Variants in KIF16B observed in about 807,000 individuals in gnomAD.
KIF16B encodes kinesin family member 16B.
In KIF16B, 98 loss-of-function variants were observed where a neutral mutation model predicts 156.3. The ratio of observed to expected loss-of-function variants is 0.63; its 90% CI spans 0.53 to 0.74. The LOEUF (loss-of-function observed/expected upper bound fraction) is 0.74, where lower values mean the gene tolerates loss of function less well. Ranked by LOEUF, KIF16B falls within the 30% of genes least tolerant of loss-of-function variation. The pLI is 0.00. For missense variants in KIF16B, 1,421 were observed against 1,606.5 expected, an observed-to-expected ratio of 0.88 and a Z score of 1.97; for synonymous variants, 564 against 583.7, an observed-to-expected ratio of 0.97 and a Z score of 0.49.
At chr20:16,391,736 A>G (rs918879185) in intron 17 of KIF16B, among the ~76,000 whole-genome samples, 4 of 152,172 alleles carry the variant, frequency 2.6e-5, no homozygotes, top group Admixed American at 2.6e-4. Flanking sequence ...CCACAAGAGA[A>G]GAATCATGGC....
intron 24 of KIF16B, among the ~76,000 whole-genome samples, chr20:16,328,012 T>C (rs906912523): frequency 2.0e-5 from 3 of 152,196 alleles, no homozygotes; most frequent in Non-Finnish European, 4.4e-5. Flanking sequence ...TCAATAGTTG[T>C]CCAAGACAAA....
chr20:16,513,035 C>A, intron 4 of KIF16B, 112 bp from the exon 5 acceptor site: 1 of 722,836 alleles, frequency 1.4e-6, no homozygotes. Flanking sequence ...ATGCCAACCC[C>A]TGGCCTACCA....
At chr20:16,410,213 A>G (rs2065913868) in intron 15 of KIF16B, among the ~76,000 whole-genome samples, 1 of 147,000 alleles carries the variant, frequency 6.8e-6, no homozygotes, top group Admixed American at 6.8e-5. Context: ...AGGTACATAT[A>G]CATGTAGGTA....
chr20:16,372,920 A>G (rs777934272), intron 20 of KIF16B, among the ~76,000 whole-genome samples: 21 of 152,012 alleles, frequency 1.4e-4, no homozygotes, highest in Non-Finnish European at 2.8e-4. Flanking sequence ...CTGGTCTTGA[A>G]CTCCTGACCT....
chr20:16,537,031 C>G (rs2069994867), intron 1 of KIF16B, among the ~76,000 whole-genome samples: 1 of 152,086 alleles, frequency 6.6e-6, no homozygotes, highest in Admixed American at 6.6e-5. Flanking sequence ...GGCCCTGTCC[C>G]AGGTCAGGCT....
intron 4 of KIF16B, among the ~76,000 whole-genome samples, chr20:16,513,429 C>T (rs969821938): frequency 2.0e-5 from 3 of 152,054 alleles, no homozygotes; most frequent in East Asian, 1.9e-4. Flanking sequence ...GAGGCCGAGG[C>T]GGGTGGATCA....
At chr20:16,280,506 C>T (rs2063128550) in intron 25 of KIF16B, among the ~76,000 whole-genome samples, 1 of 152,174 alleles carries the variant, frequency 6.6e-6, no homozygotes, top group East Asian at 1.9e-4. Context: ...TGGATTCAGC[C>T]TGCAGGTACT....
intron 15 of KIF16B, among the ~76,000 whole-genome samples, chr20:16,412,972 C>A (rs1397219301): frequency 1.3e-5 from 2 of 151,810 alleles, no homozygotes; most frequent in African/African-American, 4.8e-5. Context: ...CCAGAAATCT[C>A]GGTGTGGTTA....
At chr20:16,290,912 C>G (rs912980778) in intron 25 of KIF16B, among the ~76,000 whole-genome samples, 1 of 152,112 alleles carries the variant, frequency 6.6e-6, no homozygotes, top group East Asian at 1.9e-4. Context: ...CTATTTCATA[C>G]AGGGAAATGC....
At chr20:16,373,820 T>C (rs1168337849) in intron 20 of KIF16B, among the ~76,000 whole-genome samples, 1 of 152,198 alleles carries the variant, frequency 6.6e-6, no homozygotes, top group Non-Finnish European at 1.5e-5. Context: ...ACATGTCAGT[T>C]TTTTCCAATA....
intron 12 of KIF16B, among the ~76,000 whole-genome samples, chr20:16,454,096 C>T (rs954875676): frequency 6.6e-6 from 1 of 151,906 alleles, no homozygotes; most frequent in African/African-American, 2.4e-5. Flanking sequence ...AATAATGTAC[C>T]GTGCACTTGT....
At chr20:16,491,718 C>T (rs2068298113) in intron 12 of KIF16B, among the ~76,000 whole-genome samples, 1 of 152,122 alleles carries the variant, frequency 6.6e-6, no homozygotes, top group African/African-American at 2.4e-5. Flanking sequence ...CCCAAGGCTC[C>T]AGCCACGATG....
At chr20:16,567,264 A>G (rs1426351321) in intron 1 of KIF16B, among the ~76,000 whole-genome samples, 1 of 152,184 alleles carries the variant, frequency 6.6e-6, no homozygotes, top group African/African-American at 2.4e-5. Context: ...GCCAACTTCC[A>G]AAGAGTATCA....
chr20:16,428,858 C>T, intron 14 of KIF16B, 95 bp downstream of exon 14: 1 of 980,500 alleles, frequency 1.0e-6, no homozygotes, highest in Non-Finnish European at 1.6e-6. Flanking sequence ...ATTTAATTTT[C>T]TATAATTACT....
chr20:16,380,002 T>A lies in KIF16B; in HGVS notation c.2000A>T (p.Asn667Ile), dbSNP rs767106951. 1 of 1,605,972 alleles carries A rather than the reference T, an allele frequency of 6.2e-7. No individual in the cohort carries two copies. The highest frequency in any genetic ancestry group is 8.5e-7 in the Non-Finnish European group (1 of 1,177,132). The change falls in exon 19 of 26, where the codon AAC becomes ATC. Residue 667 changes from asparagine (N) to isoleucine (I), a missense_variant. Transcript: ENST00000354981. Reference protein sequence around the residue: ...SLKRRSFHIENKLKDLLAEKE... With the variant: ...SLKRRSFHIEIKLKDLLAEKE... ...CTCCGCAAGTAAATCCTTTAGCTTG[T>A]TCTCGATGTGGAAGCTGCGGCGTTT...
At chr20:16,564,268 C>A (rs1424117989) in intron 1 of KIF16B, among the ~76,000 whole-genome samples, 1 of 152,204 alleles carries the variant, frequency 6.6e-6, no homozygotes, top group South Asian at 2.1e-4. Context: ...AGGAACTCAA[C>A]CTTTTTTATG....
At chr20:16,317,761 C>T (rs534285962) in intron 24 of KIF16B, among the ~76,000 whole-genome samples, 30 of 152,338 alleles carry the variant, frequency 2.0e-4, no homozygotes, top group East Asian at 7.7e-4. Context: ...GAAGAGATGA[C>T]GGGAGACAAG....
chr20:16,466,588 G>C (rs947361126), intron 12 of KIF16B, among the ~76,000 whole-genome samples: 1 of 152,206 alleles, frequency 6.6e-6, no homozygotes, highest in African/African-American at 2.4e-5. Context: ...TGTAAGACGT[G>C]ACTTTGCTCC....
intron 12 of KIF16B, among the ~76,000 whole-genome samples, chr20:16,431,822 C>T (rs2066507712): frequency 1.3e-5 from 2 of 151,346 alleles, no homozygotes; most frequent in Non-Finnish European, 2.9e-5. Context: ...ACCAATGTTC[C>T]TCATGGTGAT....
Sources: gnomAD v4.1 joint callset for allele counts (sites outside exome capture counted in the v4.1 genomes callset) on GRCh38, gnomAD v4.1.1 for gene constraint, MANE v1.5 for transcripts, NCBI Gene and HGNC (gene_info 2026-07-23, HGNC 2026-07-21) for gene names.